STX8: variants seen among roughly 807,000 people sequenced by gnomAD.
The protein encoded by STX8 is syntaxin 8, also known as syntaxin-8.
A neutral mutation model predicts 37.5 loss-of-function variants in STX8; 23 were observed. The ratio of observed to expected loss-of-function variants is 0.61; its 90% CI spans 0.44 to 0.87. The LOEUF (loss-of-function observed/expected upper bound fraction) is 0.87, where lower values mean the gene tolerates loss of function less well. STX8 is among the 40% of genes least tolerant of loss of function. The probability of loss-of-function intolerance (pLI) is 0.00; values close to 1 mark genes in which losing one functional copy is unlikely to be tolerated. For synonymous variants in STX8, 115 were observed against 99.1 expected, an observed-to-expected ratio of 1.16 and a Z score of -0.95; for missense variants, 313 against 284.7, an observed-to-expected ratio of 1.10 and a Z score of -0.71.
intron 6 of STX8, 40 bp downstream of exon 6, chr17:9,491,789 T>C (rs1597705377): frequency 6.5e-7 from 1 of 1,532,860 alleles, no homozygotes; most frequent in East Asian, 2.3e-5. Context: ...TTAGTATTTA[T>C]GTCAACGGCA....
chr17:9,291,482 T>C (rs1908310770), intron 7 of STX8, among the ~76,000 whole-genome samples: 2 of 151,930 alleles, frequency 1.3e-5, no homozygotes, highest in African/African-American at 4.8e-5. Context: ...TCCTTTCCTA[T>C]TAAATACTTC....
At chr17:9,273,446 G>C (rs926050763) in intron 7 of STX8, 1 of 152,252 alleles carries the variant, frequency 6.6e-6, no homozygotes, top group Non-Finnish European at 1.5e-5. Context: ...GCAGGGCCTC[G>C]AGGTAGGGCT....
At chr17:9,304,219 CAA>C (rs1908879020) in intron 7 of STX8, among the ~76,000 whole-genome samples, 1 of 151,854 alleles carries the variant, frequency 6.6e-6, no homozygotes, top group African/African-American at 2.4e-5. Flanking sequence ...AAGAAAAATA[CAA>C]AAGAGTAGCC....
At chr17:9,458,278 T>C (rs1905242128) in intron 6 of STX8, among the ~76,000 whole-genome samples, 2 of 151,298 alleles carry the variant, frequency 1.3e-5, no homozygotes, top group Non-Finnish European at 1.5e-5. Context: ...ACCTCCCAAG[T>C]AGCTGGGACT....
At chr17:9,405,114 G>A (rs748639683) in intron 6 of STX8, among the ~76,000 whole-genome samples, 3 of 152,096 alleles carry the variant, frequency 2.0e-5, no homozygotes, top group Non-Finnish European at 4.4e-5. Context: ...GGGCTTGATG[G>A]CTTCCATAGC....
intron 7 of STX8, among the ~76,000 whole-genome samples, chr17:9,253,801 T>C (rs532668051): frequency 2.6e-5 from 4 of 152,206 alleles, no homozygotes; most frequent in African/African-American, 9.6e-5. Flanking sequence ...TGACCGTGAA[T>C]TGTCAAATCA....
intron 6 of STX8, among the ~76,000 whole-genome samples, chr17:9,462,637 T>C (rs1905445940): frequency 1.3e-5 from 2 of 152,090 alleles, no homozygotes; most frequent in Non-Finnish European, 2.9e-5. Flanking sequence ...GCACAAGAAT[T>C]GCTTGAACCT....
chr17:9,437,803 G>A (rs143131968), intron 6 of STX8: 58 of 152,184 alleles, frequency 3.8e-4, no homozygotes, highest in African/African-American at 1.3e-3. Context: ...TCACCAGGCC[G>A]GCCACTTTCC....
At chr17:9,302,092 C>T (rs1022789209) in intron 7 of STX8, among the ~76,000 whole-genome samples, 1 of 152,170 alleles carries the variant, frequency 6.6e-6, no homozygotes, top group African/African-American at 2.4e-5. Flanking sequence ...TCTTTGTACA[C>T]TCCTCCTGTT....
chr17:9,269,722 A>G (rs1326620463), intron 7 of STX8, among the ~76,000 whole-genome samples: 3 of 152,182 alleles, frequency 2.0e-5, no homozygotes, highest in Non-Finnish European at 2.9e-5. Flanking sequence ...CACATTCCTA[A>G]CGAAATGATC....
chr17:9,555,597 C>G (rs141021250), intron 3 of STX8: 1 of 152,224 alleles, frequency 6.6e-6, no homozygotes, highest in African/African-American at 2.4e-5. Context: ...TCTGAAACTA[C>G]TAAAAATACA....
Position 9,529,275 on chromosome 17 carries a change from G to A in STX8, c.323+15897C>T, listed in dbSNP as rs565722313. 2.1e-3 allele frequency among the ~76,000 whole-genome samples: 321 copies of A among 149,668 alleles called. 1 individual carries two copies. The highest frequency in any genetic ancestry group is 7.7e-3 in the African/African-American group (303 of 39,424). ...AGAGAGAGAGAGAGAGAGAGAGAGT[G>A]TGTGGGTGCGCACACGCATGTGTGT... On this transcript the variant is annotated intron_variant, in intron 4 of 7. Coordinates refer to ENST00000306357, the MANE Select transcript of STX8 (RefSeq NM_004853.3).
chr17:9,493,245 A>T (rs1211703266), intron 5 of STX8, among the ~76,000 whole-genome samples: 1 of 152,180 alleles, frequency 6.6e-6, no homozygotes, highest in East Asian at 1.9e-4. Context: ...AGCCTGGGTG[A>T]TAGAGAGAGG....
intron 7 of STX8, among the ~76,000 whole-genome samples, chr17:9,309,015 A>G (rs891523838): frequency 2.0e-5 from 3 of 151,852 alleles, no homozygotes; most frequent in Non-Finnish European, 4.4e-5. Context: ...TGATTTTTCT[A>G]GTTGTTTGCT....
chr17:9,562,289 C>A (rs1907267351), intron 2 of STX8, among the ~76,000 whole-genome samples: 1 of 151,876 alleles, frequency 6.6e-6, no homozygotes, highest in Non-Finnish European at 1.5e-5. Flanking sequence ...GCCTGTAGCC[C>A]CAGCTACTTG....
intron 7 of STX8, among the ~76,000 whole-genome samples, chr17:9,343,197 G>A (rs372464775): frequency 6.6e-6 from 1 of 152,084 alleles, no homozygotes; most frequent in Non-Finnish European, 1.5e-5. Context: ...GTGATTCTTC[G>A]ATACGTAGCC....
chr17:9,255,680 G>A (rs1906769230), intron 7 of STX8, among the ~76,000 whole-genome samples: 1 of 152,186 alleles, frequency 6.6e-6, no homozygotes, highest in Admixed American at 6.5e-5. Context: ...GAGGATTTTA[G>A]GAGCCATGAC....
intron 7 of STX8, among the ~76,000 whole-genome samples, chr17:9,338,866 T>A (rs1441964268): frequency 6.6e-6 from 1 of 151,800 alleles, no homozygotes; most frequent in Non-Finnish European, 1.5e-5. Context: ...GGTCAGGAGA[T>A]CGAGACCATC....
chr17:9,543,142 T>C (rs538099208), intron 4 of STX8, among the ~76,000 whole-genome samples: 5 of 152,142 alleles, frequency 3.3e-5, no homozygotes, highest in Non-Finnish European at 7.4e-5. Context: ...CCAAGCAGAA[T>C]AGTCTGAATG....
Sources: gnomAD v4.1 joint callset for allele counts (sites outside exome capture counted in the v4.1 genomes callset) on GRCh38, gnomAD v4.1.1 for gene constraint, MANE v1.5 for transcripts, NCBI Gene and HGNC (gene_info 2026-07-23, HGNC 2026-07-21) for gene names.